Variants in AKAP10 observed in about 807,000 individuals in gnomAD.
The protein encoded by AKAP10 is A-kinase anchoring protein 10.
AKAP10 carries 24 observed loss-of-function variants against 80.8 expected under a neutral mutation model. The ratio of observed to expected loss-of-function variants is 0.30; its 90% CI spans 0.22 to 0.42. The LOEUF is 0.42. AKAP10 is among the 10% of genes least tolerant of loss of function. The pLI is 1.00. For synonymous variants in AKAP10, 291 were observed against 277.7 expected (o/e 1.05, Z -0.48); for missense variants, 661 against 794.9 (o/e 0.83, Z 2.03).
intron 12 of AKAP10, among the ~76,000 whole-genome samples, chr17:19,913,663 G>A (rs1298582597): frequency 6.6e-6 from 1 of 152,190 alleles, no homozygotes; most frequent in African/African-American, 2.4e-5. Flanking sequence ...GCTTGAAAGT[G>A]CTAAGAAATA....
At chr17:19,958,691 G>C (rs2152417763) in intron 3 of AKAP10, 120 bp from the exon 4 acceptor site, 1 of 780,108 alleles carries the variant, frequency 1.3e-6, no homozygotes, top group Non-Finnish European at 1.9e-6. Flanking sequence ...TTACTTCCTA[G>C]CAACTAAAGT....
At chr17:19,942,462 A>G (rs183424129) in intron 5 of AKAP10, among the ~76,000 whole-genome samples, 32 of 152,326 alleles carry the variant, frequency 2.1e-4, no homozygotes, top group Admixed American at 1.8e-3. Context: ...AACTAACACT[A>G]GTGTTAGTGG....
intron 2 of AKAP10, among the ~76,000 whole-genome samples, chr17:19,963,708 AACATG>A (rs2043381639): frequency 6.6e-6 from 1 of 152,094 alleles, no homozygotes; most frequent in Non-Finnish European, 1.5e-5. Flanking sequence ...CAGCCTGACC[AACATG>A]GTGAAACCCT....
intron 4 of AKAP10, among the ~76,000 whole-genome samples, chr17:19,954,120 CA>C (rs1357006852): frequency 6.6e-6 from 1 of 152,172 alleles, no homozygotes; most frequent in Non-Finnish European, 1.5e-5. Flanking sequence ...CAATTCTACA[CA>C]ATCTCTTCTA....
At chr17:19,946,260 TATATATATA>T (rs2043122820) in intron 5 of AKAP10, among the ~76,000 whole-genome samples, 2 of 27,830 alleles carry the variant, frequency 7.2e-5, no homozygotes, top group Non-Finnish European at 1.3e-4. Flanking sequence ...TATATATATA[TATATATATA>T]TATATATTTT....
intron 4 of AKAP10, among the ~76,000 whole-genome samples, chr17:19,950,101 A>C (rs1258189624): frequency 2.6e-5 from 4 of 152,166 alleles, no homozygotes; most frequent in African/African-American, 9.7e-5. Flanking sequence ...TCAAGAGTTC[A>C]AGACCAGCCT....
At chr17:19,914,415 C>T (rs2042722515) in intron 12 of AKAP10, among the ~76,000 whole-genome samples, 2 of 151,968 alleles carry the variant, frequency 1.3e-5, no homozygotes, top group Non-Finnish European at 2.9e-5. Context: ...CTTTGGGAGG[C>T]TGAGAGATGT....
At chr17:19,962,193 A>G (rs1037772371) in intron 3 of AKAP10, among the ~76,000 whole-genome samples, 2 of 152,168 alleles carry the variant, frequency 1.3e-5, no homozygotes, top group African/African-American at 2.4e-5. Flanking sequence ...TTATTTCCCT[A>G]TAACAGATAT....
At chr17:19,943,474 G>A (rs2043071287) in intron 5 of AKAP10, among the ~76,000 whole-genome samples, 3 of 152,130 alleles carry the variant, frequency 2.0e-5, no homozygotes, top group Non-Finnish European at 4.4e-5. Flanking sequence ...TGGGGAGGGG[G>A]GCTTCTGAAT....
At chr17:19,907,733 A>C (rs1168209492) in intron 14 of AKAP10, among the ~76,000 whole-genome samples, 1 of 151,472 alleles carries the variant, frequency 6.6e-6, no homozygotes, top group Non-Finnish European at 1.5e-5. Context: ...TATTTAAAAT[A>C]GCCACTTGAT....
At chr17:19,912,083 T>C (rs773843583) in intron 12 of AKAP10, among the ~76,000 whole-genome samples, 7 of 152,108 alleles carry the variant, frequency 4.6e-5, no homozygotes, top group Non-Finnish European at 8.8e-5. Context: ...TTAAGTTATC[T>C]TGCTTGCCCT....
intron 9 of AKAP10, among the ~76,000 whole-genome samples, chr17:19,934,103 T>C (rs1364069429): frequency 6.6e-6 from 1 of 152,008 alleles, no homozygotes; most frequent in Non-Finnish European, 1.5e-5. Flanking sequence ...GTATTTTTAG[T>C]AGAGATGGGG....
chr17:19,966,251 T>C (rs2043417184), intron 2 of AKAP10, among the ~76,000 whole-genome samples: 2 of 152,154 alleles, frequency 1.3e-5, no homozygotes, highest in Admixed American at 1.3e-4. Flanking sequence ...TCATATTTAA[T>C]CAATAATAAA....
chr17:19,965,291 T>C (rs2043402371), intron 2 of AKAP10, among the ~76,000 whole-genome samples: 1 of 152,210 alleles, frequency 6.6e-6, no homozygotes, highest in Non-Finnish European at 1.5e-5. Context: ...TCAAGATGTT[T>C]AAACATTTAC....
At chr17:19,974,347 G>C (rs891927393) in intron 1 of AKAP10, among the ~76,000 whole-genome samples, 15 of 152,204 alleles carry the variant, frequency 9.9e-5, no homozygotes, top group African/African-American at 3.6e-4. Flanking sequence ...GGATGGCTCT[G>C]AATGTGCCCA....
chr17:19,971,889 T>G (rs1223397941), intron 1 of AKAP10, among the ~76,000 whole-genome samples: 1 of 152,170 alleles, frequency 6.6e-6, no homozygotes, highest in Admixed American at 6.5e-5. Flanking sequence ...GCAGCTCACC[T>G]GAGGTCAGGA....
At chr17:19,946,657 C>CTTT (rs35156168) in intron 5 of AKAP10, among the ~76,000 whole-genome samples, 9 of 111,152 alleles carry the variant, frequency 8.1e-5, no homozygotes, top group East Asian at 7.7e-4. Flanking sequence ...ATAAGAAAAA[C>CTTT]TTTTTTTTTT....
At position 19,958,956 on chromosome 17, in the gene AKAP10, G is replaced by A. The variant is rs145241115; in HGVS notation, c.320-385C>T. ...CAACCTCCACCTCCCGGGTTCAAGCGATTCTCTTGACTCAGCCTCCTAAGT... is the reference window on the plus strand; with the variant it reads ...CAACCTCCACCTCCCGGGTTCAAGCAATTCTCTTGACTCAGCCTCCTAAGT... On this transcript the variant is annotated intron_variant, in intron 3 of 14. Coordinates refer to ENST00000225737, the MANE Select transcript of AKAP10 (RefSeq NM_007202.4). Among the ~76,000 whole-genome samples, 397 of 148,946 alleles carry A rather than the reference G, an allele frequency of 2.7e-3. 13 individuals carry two copies. The East Asian group carries it at 0.075, about 28-fold the overall frequency.
At chr17:19,967,700 C>G (rs369594476) in intron 2 of AKAP10, among the ~76,000 whole-genome samples, 1 of 151,204 alleles carries the variant, frequency 6.6e-6, no homozygotes, top group Admixed American at 6.6e-5. Context: ...CTGGCCAACA[C>G]GGTGAAACCC....
Sources: gnomAD v4.1 joint callset for allele counts (sites outside exome capture counted in the v4.1 genomes callset) on GRCh38, gnomAD v4.1.1 for gene constraint, MANE v1.5 for transcripts, NCBI Gene and HGNC (gene_info 2026-07-23, HGNC 2026-07-21) for gene names.